Variants in HMGCLL1 observed in about 807,000 individuals in gnomAD.
The protein encoded by HMGCLL1 is 3-hydroxy-3-methylglutaryl-CoA lyase like 1.
A neutral mutation model predicts 39.1 loss-of-function variants in HMGCLL1; 36 were observed. That is an observed-to-expected ratio of 0.92 (90% CI 0.71 to 1.22). The LOEUF is 1.22. Ranked by LOEUF, HMGCLL1 falls within the 50% of genes most tolerant of loss-of-function variation. HMGCLL1 has a pLI of 0.00. For missense variants in HMGCLL1, 451 were observed against 416.5 expected (o/e 1.08, Z -0.72); for synonymous variants, 149 against 144.0 (o/e 1.03, Z -0.25).
intron 3 of HMGCLL1, among the ~76,000 whole-genome samples, chr6:55,531,085 GT>G (rs1336210195): frequency 3.3e-5 from 5 of 152,146 alleles, no homozygotes; most frequent in African/African-American, 1.2e-4. Flanking sequence ...TTTAAACCAG[GT>G]TTTGAGTAAT....
the HMGCLL1 span, among the ~76,000 whole-genome samples, chr6:55,651,620 A>T: frequency 6.6e-6 from 1 of 152,004 alleles, no homozygotes; most frequent in Non-Finnish European, 1.5e-5. Flanking sequence ...GTGCCACCCT[A>T]GTTCACTGGC....
At chr6:55,555,711 T>C (rs1379991820) in intron 1 of HMGCLL1, among the ~76,000 whole-genome samples, 3 of 152,226 alleles carry the variant, frequency 2.0e-5, no homozygotes, top group Admixed American at 6.5e-5. Context: ...GAATTCACTA[T>C]ACATGGTGTG....
At chr6:55,439,157 T>A (rs9367636) in intron 8 of HMGCLL1, among the ~76,000 whole-genome samples, 64,420 of 151,790 alleles carry the variant, frequency 0.42, 13,798 homozygotes, top group African/African-American at 0.48. Flanking sequence ...ACAAAGTGTA[T>A]AAAATCAAAT....
chr6:55,483,826 T>G (rs749676608), intron 7 of HMGCLL1, among the ~76,000 whole-genome samples: 1 of 152,194 alleles, frequency 6.6e-6, no homozygotes, highest in Non-Finnish European at 1.5e-5. Context: ...GGGATTGTCA[T>G]GAGGACAACA....
the HMGCLL1 span, among the ~76,000 whole-genome samples, chr6:55,588,687 G>A: frequency 6.6e-6 from 1 of 151,668 alleles, no homozygotes; most frequent in Non-Finnish European, 1.5e-5. Context: ...AAAGAGAGAA[G>A]AATCAAATAG....
the HMGCLL1 span, among the ~76,000 whole-genome samples, chr6:55,673,936 G>A: frequency 6.6e-6 from 1 of 151,882 alleles, no homozygotes; most frequent in Admixed American, 6.6e-5. Context: ...ACATCAGAGA[G>A]ATTTAAAAAA....
At chr6:55,541,634 T>G in intron 3 of HMGCLL1, 95 bp downstream of exon 3, 1 of 663,142 alleles carries the variant, frequency 1.5e-6, no homozygotes, top group Non-Finnish European at 2.7e-6. Flanking sequence ...ATATGGAAAA[T>G]TAGTAATTAT....
At chr6:55,652,088 T>C in the HMGCLL1 span, among the ~76,000 whole-genome samples, 1 of 152,052 alleles carries the variant, frequency 6.6e-6, no homozygotes, top group African/African-American at 2.4e-5. Flanking sequence ...TTCTTAGTCC[T>C]TTTCTATGTG....
chr6:55,519,509 G>T (rs772380797), intron 3 of HMGCLL1, among the ~76,000 whole-genome samples: 5 of 152,074 alleles, frequency 3.3e-5, no homozygotes, highest in Admixed American at 6.6e-5. Context: ...TAGAGTGTGA[G>T]TACTCTCTGT....
At chr6:55,487,327 G>A (rs538330933) in intron 7 of HMGCLL1, among the ~76,000 whole-genome samples, 1 of 151,872 alleles carries the variant, frequency 6.6e-6, no homozygotes, top group South Asian at 2.1e-4. Context: ...TTTAAGTTCT[G>A]GGATACATGT....
At chr6:55,597,308 G>A in the HMGCLL1 span, among the ~76,000 whole-genome samples, 2 of 152,008 alleles carry the variant, frequency 1.3e-5, no homozygotes, top group African/African-American at 2.4e-5. Context: ...ATGCCTCTAT[G>A]AGAATTCTCT....
At chr6:55,630,491 T>G in the HMGCLL1 span, among the ~76,000 whole-genome samples, 10 of 152,144 alleles carry the variant, frequency 6.6e-5, no homozygotes, top group Non-Finnish European at 1.2e-4. Context: ...TGAAATGAGT[T>G]AAGATTTTGG....
At chr6:55,469,416 T>C (rs946352750) in intron 7 of HMGCLL1, among the ~76,000 whole-genome samples, 1 of 111,086 alleles carries the variant, frequency 9.0e-6, no homozygotes, top group African/African-American at 2.7e-5. Context: ...TATATACTTA[T>C]AAGTATACAT....
At chr6:55,501,226 T>A (rs574240808) in intron 5 of HMGCLL1, among the ~76,000 whole-genome samples, 103 of 152,022 alleles carry the variant, frequency 6.8e-4, no homozygotes, top group African/African-American at 2.4e-3. Flanking sequence ...CTCAGCTATG[T>A]TCCCTTAACT....
intron 8 of HMGCLL1, 39 bp downstream of exon 8, chr6:55,439,395 A>G (rs2127379888): frequency 6.4e-7 from 1 of 1,574,484 alleles, no homozygotes; most frequent in East Asian, 2.3e-5. Flanking sequence ...TGGAGCTGCA[A>G]GGAATGCATG....
the HMGCLL1 span, among the ~76,000 whole-genome samples, chr6:55,611,261 G>A: frequency 2.0e-5 from 3 of 152,178 alleles, no homozygotes; most frequent in Admixed American, 2.0e-4. Context: ...AGTTAGAACA[G>A]TGTTAAGAGG....
the HMGCLL1 span, among the ~76,000 whole-genome samples, chr6:55,610,912 C>G: frequency 6.6e-6 from 1 of 152,090 alleles, no homozygotes; most frequent in Admixed American, 6.5e-5. Flanking sequence ...TTTTTCAACC[C>G]AGAATTTCAT....
intron 3 of HMGCLL1, among the ~76,000 whole-genome samples, chr6:55,536,942 A>C (rs541937398): frequency 6.6e-6 from 1 of 152,320 alleles, no homozygotes; most frequent in East Asian, 1.9e-4. Context: ...TGAGGAAAAA[A>C]ATATAAGATG....
chr6:55,654,590 G>C, the HMGCLL1 span, among the ~76,000 whole-genome samples: 1 of 151,814 alleles, frequency 6.6e-6, no homozygotes, highest in Non-Finnish European at 1.5e-5. Flanking sequence ...CACCATTGAA[G>C]ATGATATATT....
Sources: allele counts gnomAD v4.1 joint callset (sites outside exome capture counted in the v4.1 genomes callset), GRCh38; gene constraint gnomAD v4.1.1; transcripts MANE v1.5; gene names NCBI Gene and HGNC (gene_info 2026-07-23, HGNC 2026-07-21).